Variants in HSDL2 observed in about 807,000 individuals in gnomAD.
HSDL2 encodes hydroxysteroid dehydrogenase like 2.
In HSDL2, 27 loss-of-function variants were observed where a neutral mutation model predicts 46.3. That is an observed-to-expected ratio of 0.58 (90% CI 0.43 to 0.80). The LOEUF is 0.80. Ranked by LOEUF, HSDL2 falls within the 30% of genes least tolerant of loss-of-function variation. The pLI, the probability that HSDL2 is intolerant of heterozygous loss-of-function variation, is 0.00. For missense variants in HSDL2, 451 were observed against 502.7 expected (o/e 0.90, Z 0.98); for synonymous variants, 153 against 163.6 (o/e 0.94, Z 0.50).
intron 4 of HSDL2, among the ~76,000 whole-genome samples, chr9:112,409,926 A>G (rs1027370079): frequency 6.6e-6 from 1 of 152,014 alleles, no homozygotes; most frequent in Admixed American, 6.6e-5. Context: ...ACTTACATGT[A>G]TACTCTGTCT....
chr9:112,424,914 C>T (rs764620123), intron 6 of HSDL2, among the ~76,000 whole-genome samples: 18 of 151,734 alleles, frequency 1.2e-4, no homozygotes, highest in Non-Finnish European at 2.2e-4. Flanking sequence ...CTTATTAGTA[C>T]TGAAGTTTTC....
At chr9:112,419,462 A>G (rs1165070770) in intron 6 of HSDL2, among the ~76,000 whole-genome samples, 9 of 152,276 alleles carry the variant, frequency 5.9e-5, no homozygotes, top group South Asian at 4.1e-4. Flanking sequence ...CTTAGACTAC[A>G]TGAGTGACTC....
rs1385280359 is a variant in HSDL2 at position 112,458,724 on chromosome 9, G to C, written c.1016-725G>C. ...CTGCCGGGCACGGTATCTCATGCCT[G>C]TAATCCCAGCACTTTGGGAGGCCGA... On this transcript the variant is annotated intron_variant, in intron 9 of 10. Transcript: ENST00000398805. Among the ~76,000 whole-genome samples, 8 of 152,104 alleles carry C rather than the reference G, an allele frequency of 5.3e-5. No homozygotes were observed. The East Asian group carries it at 1.6e-3, about 30-fold the overall frequency.
At chr9:112,461,644 C>T (rs1833213372) in intron 10 of HSDL2, among the ~76,000 whole-genome samples, 1 of 152,172 alleles carries the variant, frequency 6.6e-6, no homozygotes, top group Non-Finnish European at 1.5e-5. Context: ...ACAGTTCTTT[C>T]CAATAAAATA....
At chr9:112,468,635 GCTC>G (rs1248829037) in intron 10 of HSDL2, among the ~76,000 whole-genome samples, 2 of 149,816 alleles carry the variant, frequency 1.3e-5, no homozygotes, top group African/African-American at 4.9e-5. Context: ...TCCTTCCTGT[GCTC>G]CTCCTCTTCC....
intron 4 of HSDL2, among the ~76,000 whole-genome samples, chr9:112,409,833 A>G (rs542144775): frequency 2.0e-4 from 30 of 152,020 alleles, no homozygotes; most frequent in African/African-American, 7.2e-4. Flanking sequence ...AGCCTGGGTA[A>G]CAGAGAAAGA....
chr9:112,384,398 CT>C (rs1831175014), intron 1 of HSDL2, among the ~76,000 whole-genome samples: 1 of 152,086 alleles, frequency 6.6e-6, no homozygotes, highest in African/African-American at 2.4e-5. Flanking sequence ...GCTTTTTTTT[CT>C]GCCAATGCCA....
intron 1 of HSDL2, among the ~76,000 whole-genome samples, chr9:112,393,433 C>G (rs1831390771): frequency 6.6e-6 from 1 of 152,216 alleles, no homozygotes; most frequent in Non-Finnish European, 1.5e-5. Flanking sequence ...AGCCAATCTC[C>G]AAGCCAAATA....
rs189185820 is a variant in HSDL2 at position 112,468,925 on chromosome 9, A to G, written c.1145-1507A>G. 1.8e-4 allele frequency among the ~76,000 whole-genome samples: 28 copies of G among 152,326 alleles called. No individual in the cohort carries two copies. The East Asian group carries it at 4.6e-3, about 25-fold the overall frequency. On this transcript the variant is annotated intron_variant, in intron 10 of 10. Transcript: ENST00000398805. Reference sequence around the variant, plus strand: ...GTGGAATGGTAGGCTTCACTGTAGAATAACAGAGCATGATCCAGTTGATTT... The same window carrying G: ...GTGGAATGGTAGGCTTCACTGTAGAGTAACAGAGCATGATCCAGTTGATTT...
chr9:112,436,340 C>A (rs1832523338), intron 6 of HSDL2, among the ~76,000 whole-genome samples: 1 of 151,302 alleles, frequency 6.6e-6, no homozygotes, highest in South Asian at 2.1e-4. Flanking sequence ...AAGAAATTCC[C>A]TAAATTAATT....
intron 1 of HSDL2, among the ~76,000 whole-genome samples, chr9:112,400,119 A>G (rs912667228): frequency 6.6e-6 from 1 of 152,226 alleles, no homozygotes; most frequent in Admixed American, 6.5e-5. Flanking sequence ...AAGGAACACA[A>G]GCGACCATTA....
At chr9:112,453,785 CTTTT>C (rs1832946924) in intron 8 of HSDL2, among the ~76,000 whole-genome samples, 1 of 152,102 alleles carries the variant, frequency 6.6e-6, no homozygotes. Context: ...GAAAGTCAGC[CTTTT>C]ATTTGGAGAG....
At chr9:112,467,114 A>G (rs966191214) in intron 10 of HSDL2, among the ~76,000 whole-genome samples, 2 of 152,376 alleles carry the variant, frequency 1.3e-5, no homozygotes, top group South Asian at 2.1e-4. Context: ...AAATAAATGT[A>G]CATGCATATT....
At chr9:112,463,895 G>C (rs537753723) in intron 10 of HSDL2, among the ~76,000 whole-genome samples, 2 of 151,884 alleles carry the variant, frequency 1.3e-5, no homozygotes, top group Admixed American at 6.5e-5. Context: ...TCCTGGCCTC[G>C]AGTGATCTAC....
chr9:112,420,010 A>G (rs551275483), intron 6 of HSDL2, among the ~76,000 whole-genome samples: 1 of 152,340 alleles, frequency 6.6e-6, no homozygotes, highest in South Asian at 2.1e-4. Flanking sequence ...ACTAGTGGGT[A>G]ATGCCCATGA....
intron 2 of HSDL2, among the ~76,000 whole-genome samples, chr9:112,404,461 G>A (rs922261927): frequency 6.6e-6 from 1 of 152,026 alleles, no homozygotes; most frequent in Non-Finnish European, 1.5e-5. Flanking sequence ...TTGAACCTGG[G>A]AGGTGGAGGT....
At chr9:112,444,476 G>A (rs1422107623) in intron 8 of HSDL2, among the ~76,000 whole-genome samples, 2 of 151,890 alleles carry the variant, frequency 1.3e-5, no homozygotes, top group African/African-American at 4.8e-5. Context: ...AGTGGCTCAC[G>A]CCTGTAGTCC....
chr9:112,445,280 T>G (rs1353738337), intron 8 of HSDL2, among the ~76,000 whole-genome samples: 1 of 152,166 alleles, frequency 6.6e-6, no homozygotes, highest in African/African-American at 2.4e-5. Flanking sequence ...TTCCCTGTAG[T>G]TAGCACCATT....
chr9:112,457,458 T>C (rs1833065391), intron 9 of HSDL2, among the ~76,000 whole-genome samples: 1 of 151,908 alleles, frequency 6.6e-6, no homozygotes, highest in Non-Finnish European at 1.5e-5. Context: ...CTGGGTAACA[T>C]AGTGAGACCC....
Sources: gnomAD v4.1 joint callset for allele counts (sites outside exome capture counted in the v4.1 genomes callset) on GRCh38, gnomAD v4.1.1 for gene constraint, MANE v1.5 for transcripts, NCBI Gene and HGNC (gene_info 2026-07-23, HGNC 2026-07-21) for gene names.